Variants in PATJ observed in about 807,000 individuals in gnomAD.
PATJ encodes inaD-like protein.
Under a neutral mutation model 224.9 loss-of-function variants are expected in PATJ, and 190 were observed. The ratio of observed to expected loss-of-function variants is 0.84; its 90% confidence interval spans 0.75 to 0.95. PATJ has a LOEUF of 0.95. Among genes scored for constraint, PATJ ranks in the 40% least tolerant of loss-of-function variants. The pLI, the probability that PATJ is intolerant of heterozygous loss-of-function variation, is 0.00. For synonymous variants in PATJ, 769 were observed against 820.3 expected, an observed-to-expected ratio of 0.94 and a Z score of 1.07; for missense variants, 2,121 against 2,270.3, an observed-to-expected ratio of 0.93 and a Z score of 1.34.
intron 41 of PATJ, among the ~76,000 whole-genome samples, chr1:62,130,775 T>C (rs902671269): frequency 2.6e-5 from 4 of 151,994 alleles, no homozygotes; most frequent in Non-Finnish European, 5.9e-5. Flanking sequence ...GGCGTGAACC[T>C]GGGAGGCAGA....
At chr1:61,991,182 AATGATGATGATGATG>A (rs71582656) in intron 28 of PATJ, among the ~76,000 whole-genome samples, 22,837 of 150,960 alleles carry the variant, frequency 0.15, 2,066 homozygotes, top group Non-Finnish European at 0.21. Flanking sequence ...TAAGAAATGC[AATGATGATGATGATG>A]ATGATGATGA....
chr1:61,919,448 C>T (rs537182176), intron 26 of PATJ, among the ~76,000 whole-genome samples: 39 of 151,638 alleles, frequency 2.6e-4, no homozygotes, highest in African/African-American at 7.7e-4. Flanking sequence ...AGACCACTGA[C>T]GCGCACCACC....
chr1:61,973,358 A>G (rs1228440241), intron 27 of PATJ, among the ~76,000 whole-genome samples: 1 of 152,044 alleles, frequency 6.6e-6, no homozygotes, highest in Non-Finnish European at 1.5e-5. Flanking sequence ...ACGTATGTAC[A>G]GGGCTCTGGG....
chr1:61,753,416 T>G (rs1645441332), intron 1 of PATJ, among the ~76,000 whole-genome samples: 1 of 152,204 alleles, frequency 6.6e-6, no homozygotes, highest in East Asian at 1.9e-4. Context: ...ATCATATGTC[T>G]TAGTAAATCA....
intron 41 of PATJ, among the ~76,000 whole-genome samples, chr1:62,143,116 T>A (rs1242275770): frequency 6.6e-6 from 1 of 151,996 alleles, no homozygotes; most frequent in Admixed American, 6.6e-5. Context: ...CCAGGGGACT[T>A]GATGGATTAC....
intron 22 of PATJ, among the ~76,000 whole-genome samples, chr1:61,894,267 A>C (rs201026057): frequency 0.097 from 13,422 of 138,774 alleles, 759 homozygotes; most frequent in South Asian, 0.28. Context: ...AAAAAAAAAA[A>C]AACACAAAAA....
chr1:62,146,629 T>C (rs1668066493), intron 41 of PATJ, among the ~76,000 whole-genome samples: 1 of 151,748 alleles, frequency 6.6e-6, no homozygotes, highest in Admixed American at 6.6e-5. Flanking sequence ...ACAAAAAAAT[T>C]AGCCAGGCGT....
At chr1:61,894,276 A>C (rs922652568) in intron 22 of PATJ, among the ~76,000 whole-genome samples, 21 of 151,556 alleles carry the variant, frequency 1.4e-4, no homozygotes, top group East Asian at 7.8e-4. Context: ...AAAACACAAA[A>C]AAAAAACAGA....
At chr1:61,946,601 G>C (rs1232061051) in intron 27 of PATJ, among the ~76,000 whole-genome samples, 1 of 152,098 alleles carries the variant, frequency 6.6e-6, no homozygotes, top group Non-Finnish European at 1.5e-5. Flanking sequence ...ACAAAGTCCA[G>C]GACCAGACGG....
intron 7 of PATJ, among the ~76,000 whole-genome samples, chr1:61,785,438 A>C (rs1648302497): frequency 6.6e-6 from 1 of 152,360 alleles, no homozygotes; most frequent in South Asian, 2.1e-4. Context: ...TTCGGTGAGC[A>C]ACTTGGATTC....
intron 7 of PATJ, among the ~76,000 whole-genome samples, chr1:61,784,869 C>G (rs1025145003): frequency 3.3e-5 from 5 of 152,074 alleles, no homozygotes; most frequent in Admixed American, 6.5e-5. Flanking sequence ...TTTTTCATAA[C>G]AATGTCCTCC....
chr1:62,120,143 C>T (rs1357108643), intron 37 of PATJ, among the ~76,000 whole-genome samples: 2 of 152,024 alleles, frequency 1.3e-5, no homozygotes, highest in African/African-American at 2.4e-5. Flanking sequence ...ATACTGAGAT[C>T]TACAACTTAC....
At chr1:61,972,993 AG>A (rs1325510283) in intron 27 of PATJ, among the ~76,000 whole-genome samples, 2 of 152,110 alleles carry the variant, frequency 1.3e-5, no homozygotes, top group South Asian at 4.1e-4. Context: ...TACCCAAAAA[AG>A]GTATTCTATC....
At chr1:62,093,154 G>A (rs770804665) in intron 33 of PATJ, among the ~76,000 whole-genome samples, 3 of 152,112 alleles carry the variant, frequency 2.0e-5, no homozygotes, top group African/African-American at 4.8e-5. Context: ...CTATAGGGCA[G>A]CTACGTTAGC....
At chr1:61,827,995 C>G (rs1271530981) in intron 16 of PATJ, among the ~76,000 whole-genome samples, 1 of 152,048 alleles carries the variant, frequency 6.6e-6, no homozygotes, top group Non-Finnish European at 1.5e-5. Flanking sequence ...ACCTGTAATC[C>G]CAGCACTTTG....
chr1:62,160,904 G>C lies in PATJ; in HGVS notation c.5503-4G>C. 2.5e-6 allele frequency: 4 copies of C among 1,613,716 alleles called. No individual in the cohort carries two copies. The highest frequency in any genetic ancestry group is 3.4e-6 in the Non-Finnish European group (4 of 1,179,824). On this transcript the variant is annotated splice_region_variant and splice_polypyrimidine_tract_variant and intron_variant, in intron 43 of 43. Coordinates refer to ENST00000642238, the MANE Select transcript of PATJ (RefSeq NM_001350145.3). ...GATTAAACTGAAATGTTTCTTGTTT[G>C]TAGGGAGCAGCTGCAGATGACGGCC...
intron 33 of PATJ, among the ~76,000 whole-genome samples, chr1:62,107,131 C>T (rs2148865247): frequency 6.6e-6 from 1 of 152,024 alleles, no homozygotes; most frequent in Non-Finnish European, 1.5e-5. Flanking sequence ...ACGGTGAAAC[C>T]CCGTCTCTAC....
chr1:62,086,538 C>T lies in PATJ; in HGVS notation c.4377+1890C>T, dbSNP rs1231460479. Among the ~76,000 whole-genome samples, 1 of 151,940 alleles carries T rather than the reference C, an allele frequency of 6.6e-6. No homozygotes were observed. Among genetic ancestry groups the T allele is most frequent in the Non-Finnish European group, 1.5e-5 (1 of 68,012 alleles). On this transcript the variant is annotated intron_variant, in intron 33 of 43. Coordinates refer to ENST00000642238, the MANE Select transcript of PATJ (RefSeq NM_001350145.3). This position sits in a 1 kb window ranked among gnomAD's most constrained non-coding sequence, Gnocchi z 4.0. ...TTAGTAAGCAATAAATTGTACATGCCAGATAAAACAAACATATCAGGGTCT... is the reference window on the plus strand; with the variant it reads ...TTAGTAAGCAATAAATTGTACATGCTAGATAAAACAAACATATCAGGGTCT...
At chr1:62,123,281 GT>G (rs1292171471) in intron 39 of PATJ, among the ~76,000 whole-genome samples, 5 of 151,996 alleles carry the variant, frequency 3.3e-5, no homozygotes, top group African/African-American at 1.2e-4. Flanking sequence ...ACTATATTCT[GT>G]GCTATGTGTA....
Sources: gnomAD v4.1 joint callset for allele counts (sites outside exome capture counted in the v4.1 genomes callset) on GRCh38, gnomAD v4.1.1 for gene constraint, Gnocchi (gnomAD v3.1) non-coding constraint, MANE v1.5 for transcripts, NCBI Gene and HGNC (gene_info 2026-07-23, HGNC 2026-07-21) for gene names.